Variants in EYS observed in about 807,000 individuals in gnomAD.
EYS encodes protein eyes shut homolog.
In EYS, 250 loss-of-function variants were observed where a neutral mutation model predicts 282.1. The observed-to-expected ratio is 0.89, with a 90% CI of 0.80 to 0.98. EYS has a LOEUF of 0.98. Among genes scored for constraint, EYS ranks in the 50% least tolerant of loss-of-function variants. EYS has a pLI of 0.00. For missense variants in EYS, 4,016 were observed against 3,709.0 expected, an observed-to-expected ratio of 1.08 and a Z score of -2.15; for synonymous variants, 1,355 against 1,282.9, an observed-to-expected ratio of 1.06 and a Z score of -1.20.
In EYS at chr6:63,961,683, C is replaced by T. The variant is rs181028013; in HGVS notation, c.7055+22700G>A. ...GTATGACAGAAGGGACAAACAGACC[C>T]CTCAAGTCTCTTTTATAGGGGAAGG... On this transcript the variant is annotated intron_variant, in intron 35 of 42. Transcript: ENST00000503581. 9.9e-5 allele frequency among the ~76,000 whole-genome samples: 15 copies of T among 152,194 alleles called. No individual in the cohort carries two copies. The East Asian group carries it at 2.9e-3, about 29-fold the overall frequency.
chr6:65,254,103 CAT>C (rs1767397643), intron 12 of EYS, among the ~76,000 whole-genome samples: 1 of 151,788 alleles, frequency 6.6e-6, no homozygotes, highest in Non-Finnish European at 1.5e-5. Context: ...GCCGAGATAA[CAT>C]AGCATTTATT....
At chr6:65,214,324 A>C (rs1274919503) in intron 12 of EYS, among the ~76,000 whole-genome samples, 4 of 152,148 alleles carry the variant, frequency 2.6e-5, no homozygotes, top group Non-Finnish European at 5.9e-5. Context: ...ATAGTGAAAC[A>C]CCCTTATTAC....
intron 30 of EYS, among the ~76,000 whole-genome samples, chr6:64,259,837 T>C (rs1300217128): frequency 9.8e-6 from 1 of 102,334 alleles, no homozygotes; most frequent in African/African-American, 3.7e-5. Flanking sequence ...CTAACTTTTA[T>C]TATTGTTTTA....
intron 2 of EYS, among the ~76,000 whole-genome samples, chr6:65,611,823 C>G (rs771523141): frequency 6.6e-6 from 1 of 152,026 alleles, no homozygotes; most frequent in Non-Finnish European, 1.5e-5. Flanking sequence ...GTTGCCTCAT[C>G]ATCAGGATCG....
chr6:65,104,568 T>A (rs1774981563), intron 12 of EYS, among the ~76,000 whole-genome samples: 1 of 151,546 alleles, frequency 6.6e-6, no homozygotes, highest in South Asian at 2.1e-4. Context: ...TTACTCAATA[T>A]CTTCAGGTTT....
chr6:64,496,404 G>A (rs758827121), intron 26 of EYS, among the ~76,000 whole-genome samples: 1 of 151,862 alleles, frequency 6.6e-6, no homozygotes, highest in African/African-American at 2.4e-5. Flanking sequence ...TGTTTATACT[G>A]TAAACCTAGT....
intron 15 of EYS, among the ~76,000 whole-genome samples, chr6:64,929,313 T>TA (rs1768628294): frequency 1.3e-5 from 2 of 152,120 alleles, no homozygotes; most frequent in Non-Finnish European, 2.9e-5. Flanking sequence ...TTTTTACAAT[T>TA]ACTATGATGC....
chr6:64,682,047 TA>T (rs1268256545), intron 22 of EYS, among the ~76,000 whole-genome samples: 2 of 152,142 alleles, frequency 1.3e-5, no homozygotes, highest in East Asian at 1.9e-4. Context: ...AACAAGCAGT[TA>T]ATATTCTCTC....
At chr6:63,792,082 A>G (rs1770531974) in intron 37 of EYS, among the ~76,000 whole-genome samples, 1 of 151,972 alleles carries the variant, frequency 6.6e-6, no homozygotes, top group Non-Finnish European at 1.5e-5. Context: ...TGGCAGGGTC[A>G]GTCATGGAGT....
chr6:64,385,214 C>A (rs1035161347), intron 29 of EYS, among the ~76,000 whole-genome samples: 1 of 152,152 alleles, frequency 6.6e-6, no homozygotes, highest in African/African-American at 2.4e-5. Flanking sequence ...TCTGATTCAT[C>A]ATACGAGTTC....
At chr6:63,817,504 G>A (rs530675906) in intron 36 of EYS, among the ~76,000 whole-genome samples, 12 of 152,296 alleles carry the variant, frequency 7.9e-5, no homozygotes, top group Middle Eastern at 3.4e-3. Context: ...AGCTACTAGT[G>A]GAGGGGAGAG....
intron 22 of EYS, among the ~76,000 whole-genome samples, chr6:64,673,549 G>A (rs1769542018): frequency 6.6e-6 from 1 of 152,042 alleles, no homozygotes; most frequent in South Asian, 2.1e-4. Flanking sequence ...TAGTTATTTT[G>A]CCTCTAACAA....
chr6:64,852,837 C>G (rs971711468), intron 19 of EYS, among the ~76,000 whole-genome samples: 2 of 152,060 alleles, frequency 1.3e-5, no homozygotes, highest in Non-Finnish European at 2.9e-5. Context: ...TTCTCTAGAC[C>G]CTTCAGAGGG....
intron 30 of EYS, among the ~76,000 whole-genome samples, chr6:64,281,041 G>A (rs952682632): frequency 3.9e-5 from 6 of 151,980 alleles, no homozygotes; most frequent in African/African-American, 1.4e-4. Flanking sequence ...CCAGTCAAGG[G>A]CTCATGAAGG....
intron 35 of EYS, among the ~76,000 whole-genome samples, chr6:63,942,365 T>G (rs1765268276): frequency 6.6e-6 from 1 of 152,136 alleles, no homozygotes; most frequent in Admixed American, 6.5e-5. Context: ...TAAAAGAGAT[T>G]ATGGATATGG....
chr6:65,383,936 T>C (rs530301567), intron 8 of EYS, among the ~76,000 whole-genome samples: 166 of 151,974 alleles, frequency 1.1e-3, no homozygotes, highest in African/African-American at 3.9e-3. Context: ...TACCTACAAG[T>C]AACATTGCTA....
chr6:63,748,111 GCTTC>G (rs1338753025), intron 41 of EYS, among the ~76,000 whole-genome samples: 1 of 152,090 alleles, frequency 6.6e-6, no homozygotes, highest in South Asian at 2.1e-4. Flanking sequence ...CACATTTAGT[GCTTC>G]CTTCAGGAGC....
chr6:65,351,012 A>G (rs2150325255), intron 9 of EYS, among the ~76,000 whole-genome samples: 1 of 151,894 alleles, frequency 6.6e-6, no homozygotes, highest in South Asian at 2.1e-4. Flanking sequence ...GAAGAAGTAA[A>G]AGAAGATCTT....
intron 35 of EYS, among the ~76,000 whole-genome samples, chr6:63,966,701 A>G (rs1311170499): frequency 6.6e-6 from 1 of 152,186 alleles, no homozygotes; most frequent in Non-Finnish European, 1.5e-5. Flanking sequence ...ACCTTAGCTT[A>G]GCTATTTATA....
Sources: allele counts gnomAD v4.1 joint callset (sites outside exome capture counted in the v4.1 genomes callset), GRCh38; gene constraint gnomAD v4.1.1; transcripts MANE v1.5; gene names NCBI Gene and HGNC (gene_info 2026-07-23, HGNC 2026-07-21).